Variants in STXBP5 observed in about 807,000 individuals in gnomAD.
The protein encoded by STXBP5 is syntaxin binding protein 5, also known as syntaxin-binding protein 5.
In STXBP5, 50 loss-of-function variants were observed where a neutral mutation model predicts 152.4. The observed-to-expected ratio is 0.33, with a 90% confidence interval of 0.26 to 0.42. The LOEUF (loss-of-function observed/expected upper bound fraction) is 0.42. Among genes scored for constraint, STXBP5 ranks in the 10% least tolerant of loss-of-function variants. The probability of loss-of-function intolerance (pLI) is 1.00; values close to 1 mark genes in which losing one functional copy is unlikely to be tolerated. For missense variants in STXBP5, 1,167 were observed against 1,388.6 expected, an observed-to-expected ratio of 0.84 and a Z score of 2.54; for synonymous variants, 492 against 494.7, an observed-to-expected ratio of 0.99 and a Z score of 0.07.
At chr6:147,381,688 C>T (rs975358251) in intron 26 of STXBP5, among the ~76,000 whole-genome samples, 1 of 152,100 alleles carries the variant, frequency 6.6e-6, no homozygotes, top group Non-Finnish European at 1.5e-5. Flanking sequence ...TAAAATGACA[C>T]GTTATTCATC....
At position 147,363,067 on chromosome 6, in the gene STXBP5, T is replaced by C. The variant is rs1785136551; in HGVS notation, c.2546-268T>C. Reference sequence around the variant, plus strand: ...TGTCGTTTGTTTATTCATTTAAAGATCAGATATGTGTTTGCAAAATTTATC... The same window carrying C: ...TGTCGTTTGTTTATTCATTTAAAGACCAGATATGTGTTTGCAAAATTTATC... On this transcript the variant is annotated intron_variant, in intron 23 of 27. Coordinates refer to ENST00000321680, the MANE Select transcript of STXBP5 (RefSeq NM_001127715.4). 2.0e-5 allele frequency among the ~76,000 whole-genome samples: 3 copies of C among 152,210 alleles called. 1 individual carries two copies. Among genetic ancestry groups the C allele is most frequent in the South Asian group, 4.1e-4 (2 of 4,836 alleles).
At chr6:147,241,594 C>T (rs1312112830) in intron 4 of STXBP5, among the ~76,000 whole-genome samples, 3 of 152,004 alleles carry the variant, frequency 2.0e-5, no homozygotes, top group Admixed American at 2.0e-4. Context: ...TATAATGGAG[C>T]TGAAATACTC....
chr6:147,239,617 A>C (rs992634672), intron 4 of STXBP5, among the ~76,000 whole-genome samples: 9 of 152,236 alleles, frequency 5.9e-5, no homozygotes, highest in Admixed American at 1.3e-4. Context: ...AGATTGTCTC[A>C]TATCAGCACA....
At chr6:147,346,456 C>A (rs1562260175) in intron 21 of STXBP5, among the ~76,000 whole-genome samples, 1 of 151,978 alleles carries the variant, frequency 6.6e-6, no homozygotes, top group African/African-American at 2.4e-5. Context: ...GAAAGATACA[C>A]GGCCAGGCGC....
At chr6:147,311,599 A>T in intron 11 of STXBP5, 72 bp downstream of exon 11, 5 of 1,167,610 alleles carry the variant, frequency 4.3e-6, no homozygotes, top group Non-Finnish European at 6.2e-6. Context: ...TCATAGCATT[A>T]GCTATTTCAT....
In STXBP5 at chr6:147,342,068, T is replaced by C. The variant is rs536104487; in HGVS notation, c.2254+2684T>C. 1.3e-4 allele frequency among the ~76,000 whole-genome samples: 20 copies of C among 152,312 alleles called. No homozygotes were observed. The South Asian group carries it at 4.1e-3, about 32-fold the overall frequency. On this transcript the variant is annotated intron_variant, in intron 21 of 27. Coordinates refer to ENST00000321680, the MANE Select transcript of STXBP5 (RefSeq NM_001127715.4). ...CTTAAACACTGTGCTATGTTATCTC[T>C]TAATACAATTTACAGAAAACTAAAG...
intron 23 of STXBP5, among the ~76,000 whole-genome samples, chr6:147,363,101 T>C (rs898462914): frequency 3.9e-5 from 6 of 152,240 alleles, no homozygotes; most frequent in African/African-American, 1.4e-4. Flanking sequence ...TCATATGTAA[T>C]TAAATTGTGA....
intron 21 of STXBP5, among the ~76,000 whole-genome samples, chr6:147,349,959 C>A (rs1784515336): frequency 6.6e-6 from 1 of 152,106 alleles, no homozygotes; most frequent in African/African-American, 2.4e-5. Context: ...AAAATTTTAT[C>A]CAAATATAAT....
intron 22 of STXBP5, among the ~76,000 whole-genome samples, chr6:147,356,713 T>C (rs750478214): frequency 3.1e-4 from 47 of 152,178 alleles, no homozygotes; most frequent in Non-Finnish European, 6.3e-4. Flanking sequence ...GGGATATTTT[T>C]AATCTATGAA....
chr6:147,311,518 C>G lies in STXBP5; in HGVS notation c.1136C>G (p.Ala379Gly). The change falls in exon 11 of 28, where the codon GCA becomes GGA. Residue 379 changes from alanine to glycine, a missense_variant. By Grantham distance (60) the Ala-to-Gly change is moderately conservative (BLOSUM62 0). Transcript: ENST00000321680. ...LEKDLVLIDL[A>G]QNGYPIFENP... ...AAGGATTTAGTACTTATAGACCTTG[C>G]ACAAAATGGGTAAGAAATAAAATTT... The G allele has an allele frequency of 6.2e-7, 1 of 1,610,068 alleles. No individual in the cohort carries two copies.
intron 7 of STXBP5, among the ~76,000 whole-genome samples, chr6:147,277,413 A>G (rs1009047427): frequency 6.6e-6 from 1 of 152,152 alleles, no homozygotes; most frequent in African/African-American, 2.4e-5. Flanking sequence ...AGTGATTTAA[A>G]AAGTTTTTTT....
At chr6:147,319,358 C>A (rs1470713583) in intron 16 of STXBP5, among the ~76,000 whole-genome samples, 4 of 151,864 alleles carry the variant, frequency 2.6e-5, no homozygotes, top group Non-Finnish European at 4.4e-5. Flanking sequence ...AAAAGTAAGT[C>A]CAAAATTGTA....
intron 9 of STXBP5, among the ~76,000 whole-genome samples, chr6:147,301,681 T>C (rs928893350): frequency 6.6e-6 from 1 of 152,232 alleles, no homozygotes; most frequent in African/African-American, 2.4e-5. Context: ...CACACCTAAC[T>C]ATGATAAATT....
chr6:147,329,051 T>A (rs1280644348), intron 18 of STXBP5, among the ~76,000 whole-genome samples: 1 of 151,912 alleles, frequency 6.6e-6, no homozygotes, highest in African/African-American at 2.4e-5. Context: ...GATAAAACCT[T>A]TAGTTTATTT....
At chr6:147,306,796 A>G (rs1284452684) in intron 9 of STXBP5, among the ~76,000 whole-genome samples, 2 of 152,188 alleles carry the variant, frequency 1.3e-5, no homozygotes, top group African/African-American at 2.4e-5. Context: ...TCCCAGCCCA[A>G]CTGCCATCCC....
Position 147,387,514 on chromosome 6 carries a change from A to G in STXBP5, c.*2759A>G, listed in dbSNP as rs1434524309. 6.6e-5 allele frequency: 10 copies of G among 151,826 alleles called. No homozygotes were observed. The highest frequency in any genetic ancestry group is 1.7e-4 in the African/African-American group (7 of 41,426). The allele number at this position is 151,826 out of a possible 1,614,324, so 9.4% of individuals were successfully genotyped here. A position where few individuals can be genotyped will look rare whatever the true frequency, so the allele number is the denominator to read the frequency against. On this transcript the variant is annotated 3_prime_UTR_variant, in exon 28 of 28. Coordinates refer to ENST00000321680, the MANE Select transcript of STXBP5 (RefSeq NM_001127715.4). ...CATTTCAGTTTTCAAACTAAAATCC[A>G]TATGTATTTGCTGAGAAAGTTATTT...
chr6:147,267,509 A>C (rs1025845317), intron 7 of STXBP5, among the ~76,000 whole-genome samples: 1 of 152,074 alleles, frequency 6.6e-6, no homozygotes, highest in African/African-American at 2.4e-5. Flanking sequence ...AATCCACTTT[A>C]AGAACCAGTA....
At chr6:147,277,427 A>G (rs923887271) in intron 7 of STXBP5, among the ~76,000 whole-genome samples, 1 of 152,122 alleles carries the variant, frequency 6.6e-6, no homozygotes, top group African/African-American at 2.4e-5. Context: ...TTTTTTTTAC[A>G]TACCAAAATT....
chr6:147,231,118 G>T (rs536488924), intron 2 of STXBP5, among the ~76,000 whole-genome samples: 17 of 151,742 alleles, frequency 1.1e-4, no homozygotes, highest in African/African-American at 3.6e-4. Context: ...GGTTTTACTG[G>T]CTCTGGCATT....
Sources: gnomAD v4.1 joint callset for allele counts (sites outside exome capture counted in the v4.1 genomes callset) on GRCh38, gnomAD v4.1.1 for gene constraint, MANE v1.5 for transcripts, NCBI Gene and HGNC (gene_info 2026-07-23, HGNC 2026-07-21) for gene names.